Variants in ASAP1 observed in about 807,000 individuals in gnomAD.
The protein encoded by ASAP1 is arf-GAP with SH3 domain, ANK repeat and PH domain-containing protein 1.
In ASAP1, 43 loss-of-function variants were observed where a neutral mutation model predicts 145.2. That is an observed-to-expected ratio of 0.30 (90% CI 0.23 to 0.38). The LOEUF (loss-of-function observed/expected upper bound fraction) is 0.38. Ranked by LOEUF, ASAP1 falls within the 10% of genes least tolerant of loss-of-function variation. ASAP1 has a pLI of 1.00. For synonymous variants in ASAP1, 546 were observed against 515.5 expected, an observed-to-expected ratio of 1.06 and a Z score of -0.80; for missense variants, 1,018 against 1,355.3, an observed-to-expected ratio of 0.75 and a Z score of 3.91.
At position 130,125,215 on chromosome 8, in the gene ASAP1, T is replaced by C. The variant is rs182270843; in HGVS notation, c.1515+741A>G. ...TCTTAGTACAAAGACTCTCTCACAG[T>C]GCACCAGGTGTTAAAATTATGCAAA... On this transcript the variant is annotated intron_variant, in intron 17 of 29. Coordinates refer to ENST00000518721, the MANE Select transcript of ASAP1 (RefSeq NM_018482.4). Among the ~76,000 whole-genome samples, 372 of 152,274 alleles carry C rather than the reference T, an allele frequency of 2.4e-3. 2 individuals carry two copies. The highest frequency in any genetic ancestry group is 3.5e-3 in the Non-Finnish European group (238 of 68,016).
chr8:130,429,160 C>A (rs1196948037), intron 1 of ASAP1, among the ~76,000 whole-genome samples: 2 of 152,320 alleles, frequency 1.3e-5, no homozygotes, highest in Non-Finnish European at 2.9e-5. Flanking sequence ...CATTTTGGAT[C>A]CAGGCTCGCC....
chr8:130,358,325 AGGC>A lies in ASAP1; in HGVS notation c.60-185_60-183del, dbSNP rs1023924886. ...GGGAGGGAAGGAGGCGGGCGAAGGC[AGGC>A]GGCGGCGGCGCTGGCGGGGCTCGGC... On this transcript the variant is annotated intron_variant, in intron 2 of 29. Coordinates refer to ENST00000518721, the MANE Select transcript of ASAP1 (RefSeq NM_018482.4). This position sits in a 1 kb window ranked among gnomAD's most constrained non-coding sequence, Gnocchi z 4.1. 6.7e-6 allele frequency among the ~76,000 whole-genome samples: 1 copy of A among 148,810 alleles called. No individual in the cohort carries two copies.
At chr8:130,174,596 C>A (rs746497463) in intron 9 of ASAP1, among the ~76,000 whole-genome samples, 32 of 152,322 alleles carry the variant, frequency 2.1e-4, no homozygotes, top group Non-Finnish European at 4.1e-4. Context: ...TTCAGCCCCA[C>A]CCCTCCTCCC....
chr8:130,331,027 C>G (rs1295573868), intron 3 of ASAP1, among the ~76,000 whole-genome samples: 1 of 152,112 alleles, frequency 6.6e-6, no homozygotes, highest in Non-Finnish European at 1.5e-5. Context: ...ACCAGCCTTT[C>G]CAATGCTCAG....
intron 3 of ASAP1, among the ~76,000 whole-genome samples, chr8:130,250,935 G>T (rs759732599): frequency 6.6e-6 from 1 of 152,116 alleles, no homozygotes; most frequent in African/African-American, 2.4e-5. Context: ...TGGAGATACT[G>T]AATGCACGTC....
At chr8:130,133,219 A>G (rs569866170) in intron 15 of ASAP1, among the ~76,000 whole-genome samples, 2 of 152,300 alleles carry the variant, frequency 1.3e-5, no homozygotes, top group South Asian at 2.1e-4. Context: ...GCTGAGATTT[A>G]TAATAGTCAC....
chr8:130,191,987 C>G (rs16893265), intron 5 of ASAP1, among the ~76,000 whole-genome samples: 23,626 of 151,990 alleles, frequency 0.16, 2,092 homozygotes, highest in Non-Finnish European at 0.2. Context: ...ATTTTACACA[C>G]CGGAAGGTTT....
chr8:130,092,452 C>G (rs984924564), intron 24 of ASAP1, among the ~76,000 whole-genome samples: 2 of 152,066 alleles, frequency 1.3e-5, no homozygotes, highest in Admixed American at 6.6e-5. Flanking sequence ...CACAGCAAGA[C>G]GCCATCTCTA....
chr8:130,401,101 C>T (rs370166518), intron 2 of ASAP1, among the ~76,000 whole-genome samples: 5 of 151,982 alleles, frequency 3.3e-5, no homozygotes, highest in African/African-American at 9.7e-5. Flanking sequence ...AGGCTGGTCT[C>T]GAACTCCTAA....
chr8:130,348,745 G>T (rs1825834094), intron 3 of ASAP1, among the ~76,000 whole-genome samples: 1 of 152,134 alleles, frequency 6.6e-6, no homozygotes. Flanking sequence ...AGAATTTCTT[G>T]TGGTCTCAGT....
At chr8:130,224,005 A>C (rs1405506389) in intron 4 of ASAP1, among the ~76,000 whole-genome samples, 1 of 152,120 alleles carries the variant, frequency 6.6e-6, no homozygotes, top group Non-Finnish European at 1.5e-5. Context: ...TGACTCTTTC[A>C]ATGTAAGTGT....
chr8:130,158,049 A>C (rs971033184), intron 12 of ASAP1, among the ~76,000 whole-genome samples: 1 of 152,212 alleles, frequency 6.6e-6, no homozygotes, highest in African/African-American at 2.4e-5. Flanking sequence ...TGTTGAATGC[A>C]TGAGTAGAAT....
In ASAP1 at chr8:130,169,149, A is replaced by C. The variant is rs76749418; in HGVS notation, c.747-82T>G. ...TTCCTTATGTGGAAATAAAAAAAGGAACTATAATAACCTACAAAATCTGAA... is the reference window on the plus strand; with the variant it reads ...TTCCTTATGTGGAAATAAAAAAAGGCACTATAATAACCTACAAAATCTGAA... On this transcript the variant is annotated intron_variant, in intron 9 of 29. Coordinates refer to ENST00000518721, the MANE Select transcript of ASAP1 (RefSeq NM_018482.4). The C allele has an allele frequency of 5.4e-3, 4,403 of 817,346 alleles. 132 individuals are homozygous for C. In the African/African-American group the frequency reaches 0.064, roughly 12 times the overall value. The allele number at this position is 817,346 out of a possible 1,614,324, so 50.6% of individuals were successfully genotyped here.
intron 12 of ASAP1, among the ~76,000 whole-genome samples, chr8:130,158,922 G>A (rs1341105600): frequency 7.9e-5 from 12 of 151,936 alleles, no homozygotes; most frequent in African/African-American, 2.4e-4. Flanking sequence ...TAGTAGAGAC[G>A]GGGTTTCACT....
At chr8:130,205,039 G>C (rs374548959) in intron 5 of ASAP1, among the ~76,000 whole-genome samples, 2 of 152,264 alleles carry the variant, frequency 1.3e-5, no homozygotes, top group African/African-American at 4.8e-5. Flanking sequence ...AAGAGATATT[G>C]ATTAGCAAAA....
intron 3 of ASAP1, among the ~76,000 whole-genome samples, chr8:130,319,984 G>T (rs1449052843): frequency 6.6e-6 from 1 of 152,094 alleles, no homozygotes; most frequent in Admixed American, 6.5e-5. Flanking sequence ...GCATAGAAAA[G>T]TACATTTTAA....
At chr8:130,289,369 C>T (rs977853895) in intron 3 of ASAP1, among the ~76,000 whole-genome samples, 9 of 152,108 alleles carry the variant, frequency 5.9e-5, no homozygotes, top group South Asian at 4.1e-4. Context: ...TTCCTTCTTC[C>T]TATGTTTTGT....
At chr8:130,438,037 G>A (rs554275202) in intron 1 of ASAP1, among the ~76,000 whole-genome samples, 1 of 152,328 alleles carries the variant, frequency 6.6e-6, no homozygotes, top group African/African-American at 2.4e-5. Context: ...GGGAGCTGAA[G>A]GGGCTGGCAG....
chr8:130,350,637 C>G (rs551602869), intron 3 of ASAP1, among the ~76,000 whole-genome samples: 35 of 152,358 alleles, frequency 2.3e-4, no homozygotes, highest in African/African-American at 8.2e-4. Context: ...GCAGTGTCCA[C>G]TAATTTTTCC....
Sources: gnomAD v4.1 joint callset for allele counts (sites outside exome capture counted in the v4.1 genomes callset) on GRCh38, gnomAD v4.1.1 for gene constraint, Gnocchi (gnomAD v3.1) non-coding constraint, MANE v1.5 for transcripts, NCBI Gene and HGNC (gene_info 2026-07-23, HGNC 2026-07-21) for gene names.